Variants in CRAMP1 observed in about 807,000 individuals in gnomAD.
CRAMP1 encodes cramped chromatin regulator 1.
CRAMP1 carries 50 observed loss-of-function variants against 115.4 expected under a neutral mutation model. The observed-to-expected ratio is 0.43, with a 90% CI of 0.35 to 0.55. The LOEUF (loss-of-function observed/expected upper bound fraction) is 0.55. CRAMP1 is among the 20% of genes least tolerant of loss of function. The pLI is 0.01. For synonymous variants in CRAMP1, 866 were observed against 745.4 expected (o/e 1.16, Z -2.64); for missense variants, 1,679 against 1,721.7 (o/e 0.98, Z 0.44).
intron 13 of CRAMP1, 21 bp from the exon 14 acceptor site, chr16:1,665,036 T>A (rs1567461494): frequency 6.4e-7 from 1 of 1,551,048 alleles, no homozygotes; most frequent in East Asian, 2.2e-5. Flanking sequence ...TCACCTTGAT[T>A]GTTGACCATT....
intron 2 of CRAMP1, 84 bp from the exon 3 acceptor site, chr16:1,625,889 G>T (rs932000272): frequency 2.4e-5 from 33 of 1,362,050 alleles, no homozygotes; most frequent in South Asian, 2.6e-5. Context: ...CAGGGCAGTG[G>T]GCCCTTCCCT....
chr16:1,650,065 A>G (rs533028125), intron 6 of CRAMP1, among the ~76,000 whole-genome samples: 1 of 152,274 alleles, frequency 6.6e-6, no homozygotes, highest in South Asian at 2.1e-4. Context: ...AAGTGCTGGG[A>G]TGACAGGCGT....
Position 1,631,446 on chromosome 16 carries a change from G to A in CRAMP1, c.541-766G>A, listed in dbSNP as rs2036547768. 3.3e-5 allele frequency among the ~76,000 whole-genome samples: 5 copies of A among 152,236 alleles called. No individual in the cohort carries two copies. In the South Asian group the frequency reaches 1.0e-3, roughly 31 times the overall value. ...GTGGCTGCTTGCTGCTCTGCAGTTG[G>A]CTGTTTTTCCTGGGAGCCCAGCTTC... is the stretch of plus-strand genomic sequence containing the variant. On this transcript the variant is annotated intron_variant, in intron 3 of 20. Coordinates refer to ENST00000397412, the MANE Select transcript of CRAMP1 (RefSeq NM_020825.4).
chr16:1,670,884 C>A, intron 20 of CRAMP1, 75 bp downstream of exon 20: 1 of 1,431,582 alleles, frequency 7.0e-7, no homozygotes, highest in Non-Finnish European at 9.7e-7. Context: ...CTCCTGCACA[C>A]CTGTGGGTTA....
At chr16:1,660,663 A>G (rs1490846676) in intron 11 of CRAMP1, among the ~76,000 whole-genome samples, 1 of 152,240 alleles carries the variant, frequency 6.6e-6, no homozygotes, top group Non-Finnish European at 1.5e-5. Flanking sequence ...TATTTTTAGA[A>G]TAAAGCAGAG....
At chr16:1,636,778 T>C (rs2036591421) in intron 4 of CRAMP1, among the ~76,000 whole-genome samples, 1 of 152,248 alleles carries the variant, frequency 6.6e-6, no homozygotes, top group Non-Finnish European at 1.5e-5. Flanking sequence ...GCCTAGAGGC[T>C]GGCGCCCAGG....
At chr16:1,635,251 T>A (rs932470223) in intron 4 of CRAMP1, among the ~76,000 whole-genome samples, 2 of 152,194 alleles carry the variant, frequency 1.3e-5, no homozygotes, top group African/African-American at 4.8e-5. Flanking sequence ...TGGGTTTGTC[T>A]GACTCATCTT....
intron 17 of CRAMP1, among the ~76,000 whole-genome samples, chr16:1,667,622 T>G (rs533944745): frequency 2.0e-5 from 3 of 152,232 alleles, no homozygotes; most frequent in South Asian, 4.2e-4. Context: ...GGTGGGCTGT[T>G]TCAGACCCAG....
At chr16:1,633,961 G>A (rs1187653470) in intron 4 of CRAMP1, among the ~76,000 whole-genome samples, 4 of 151,934 alleles carry the variant, frequency 2.6e-5, no homozygotes, top group African/African-American at 9.7e-5. Context: ...CCAGCTACTC[G>A]GGAGGCTGAG....
chr16:1,646,404 T>C (rs2036674628), intron 6 of CRAMP1, among the ~76,000 whole-genome samples: 1 of 152,202 alleles, frequency 6.6e-6, no homozygotes, highest in African/African-American at 2.4e-5. Context: ...AAAGTCACCC[T>C]AGTAGGTGTG....
chr16:1,657,632 C>T (rs1381535220), intron 10 of CRAMP1, among the ~76,000 whole-genome samples: 1 of 152,200 alleles, frequency 6.6e-6, no homozygotes, highest in East Asian at 1.9e-4. Context: ...GGGGACCAGA[C>T]AGGACGGTCC....
intron 2 of CRAMP1, among the ~76,000 whole-genome samples, chr16:1,619,053 TATGTA>T (rs747972688): frequency 6.6e-6 from 1 of 152,240 alleles, no homozygotes. Flanking sequence ...TATTGTGGCT[TATGTA>T]AGGATATAAC....
intron 2 of CRAMP1, among the ~76,000 whole-genome samples, chr16:1,624,659 A>G (rs991565009): frequency 2.6e-5 from 4 of 152,128 alleles, no homozygotes; most frequent in Non-Finnish European, 5.9e-5. Flanking sequence ...GCTCACTGCA[A>G]CCACTGCCTC....
chr16:1,656,718 G>A lies in CRAMP1; in HGVS notation c.1961G>A (p.Gly654Glu), dbSNP rs1481337275. Reference protein sequence around the residue: ...GSPAGPPPSQGQPAARPPKEV... With the variant: ...GSPAGPPPSQEQPAARPPKEV... The stretch of plus-strand genomic sequence containing the variant: ...CCCGCGGGGCCTCCGCCGTCTCAGG[G>A]ACAGCCTGCCGCCAGGCCCCCGAAG... The change falls in exon 10 of 21, where the codon GGA becomes GAA. Residue 654 changes from glycine (G) to glutamate (E), a missense_variant. This residue lies in a region of CRAMP1 where 405 missense variants were observed against 302.6 expected (regional missense o/e 1.34). Coordinates refer to ENST00000397412, the MANE Select transcript of CRAMP1 (RefSeq NM_020825.4). This position sits in a 1 kb window ranked among gnomAD's most constrained non-coding sequence, Gnocchi z 5.6. 19 of 1,553,600 alleles carry A rather than the reference G, an allele frequency of 1.2e-5. No homozygotes were observed. Among genetic ancestry groups the A allele is most frequent in the East Asian group, 1.2e-4 (5 of 41,066 alleles).
chr16:1,652,361 A>G (rs2036731450), intron 6 of CRAMP1, 135 bp from the exon 7 acceptor site: 3 of 668,526 alleles, frequency 4.5e-6, no homozygotes, highest in Non-Finnish European at 5.2e-6. Flanking sequence ...CCACTGTCCT[A>G]CGCGGGCTCG....
At chr16:1,665,956 T>G in intron 14 of CRAMP1, 117 bp from the exon 15 acceptor site, 1 of 674,636 alleles carries the variant, frequency 1.5e-6, no homozygotes. Flanking sequence ...GCTTCCAGCT[T>G]GGCTCGGCTC....
intron 7 of CRAMP1, 77 bp downstream of exon 7, chr16:1,652,658 C>T (rs960581070): frequency 1.3e-5 from 17 of 1,300,580 alleles, no homozygotes; most frequent in Middle Eastern, 2.4e-4. Context: ...GCTGAGCTAC[C>T]GGGTTGCTGC....
intron 6 of CRAMP1, 115 bp downstream of exon 6, chr16:1,641,302 C>G (rs958301683): frequency 1.7e-5 from 13 of 781,946 alleles, no homozygotes; most frequent in Non-Finnish European, 2.9e-5. Context: ...AACTTCATAA[C>G]CTCTCAGTTA....
In CRAMP1 at chr16:1,612,651, G is replaced by A. The variant is rs1046157670; in HGVS notation, c.-8G>A. On this transcript the variant is annotated 5_prime_UTR_variant, in exon 1 of 21. An upstream start codon of the reference 5' UTR is lost. Coordinates refer to ENST00000397412, the MANE Select transcript of CRAMP1 (RefSeq NM_020825.4). The stretch of plus-strand genomic sequence containing the variant: ...AGCCAGGCTGCCGCCCGGCGTTGAT[G>A]AAAAAGGTGACCAAGGCTGGGCGGC... 3.3e-5 allele frequency among the ~76,000 whole-genome samples: 5 copies of A among 151,964 alleles called. No individual in the cohort carries two copies. Among genetic ancestry groups the A allele is most frequent in the African/African-American group, 9.7e-5 (4 of 41,412 alleles).
Sources: gnomAD v4.1 joint callset for allele counts (sites outside exome capture counted in the v4.1 genomes callset) on GRCh38, gnomAD v4.1.1 for gene constraint, gnomAD v4.1.1 regional missense constraint, Gnocchi (gnomAD v3.1) non-coding constraint, MANE v1.5 for transcripts, NCBI Gene and HGNC (gene_info 2026-07-23, HGNC 2026-07-21) for gene names.